The following UBE2E2 variants were observed in gnomAD, a reference collection of about 807,000 sequenced individuals.
UBE2E2 encodes the protein ubiquitin-conjugating enzyme E2 E2.
UBE2E2 carries 6 observed loss-of-function variants against 24.7 expected under a neutral mutation model. The ratio of observed to expected loss-of-function variants is 0.24; its 90% CI spans 0.13 to 0.48. UBE2E2 has a LOEUF of 0.48. UBE2E2 is among the 20% of genes least tolerant of loss of function. The pLI, the probability that UBE2E2 is intolerant of heterozygous loss-of-function variation, is 0.99. For synonymous variants in UBE2E2, 104 were observed against 83.6 expected (o/e 1.24, Z -1.33); for missense variants, 169 against 245.0 (o/e 0.69, Z 2.07).
chr3:23,301,277 C>G (rs1699079786), intron 3 of UBE2E2, among the ~76,000 whole-genome samples: 1 of 152,216 alleles, frequency 6.6e-6, no homozygotes, highest in South Asian at 2.1e-4. Context: ...GCCTTCTTCT[C>G]TCAACTAATC....
intron 3 of UBE2E2, among the ~76,000 whole-genome samples, chr3:23,301,865 A>T (rs1305388387): frequency 1.4e-5 from 2 of 140,970 alleles, no homozygotes; most frequent in East Asian, 3.8e-4. Flanking sequence ...TGGGAGCTGT[A>T]GACGGGAGCT....
At chr3:23,357,601 C>T (rs1405771108) in intron 3 of UBE2E2, among the ~76,000 whole-genome samples, 2 of 152,048 alleles carry the variant, frequency 1.3e-5, no homozygotes, top group East Asian at 3.9e-4. Flanking sequence ...GCATAGCCTT[C>T]CCATTAAATC....
intron 3 of UBE2E2, among the ~76,000 whole-genome samples, chr3:23,306,096 T>C (rs1031911258): frequency 2.0e-5 from 3 of 152,312 alleles, no homozygotes; most frequent in East Asian, 3.9e-4. Context: ...AAAAAGTGTT[T>C]AAGAAAACAT....
chr3:23,357,123 C>T (rs1477408016), intron 3 of UBE2E2, among the ~76,000 whole-genome samples: 3 of 152,296 alleles, frequency 2.0e-5, no homozygotes, highest in Non-Finnish European at 4.4e-5. Flanking sequence ...GTTGCATGGT[C>T]TTACTTCACT....
At chr3:23,577,049 ATTAT>A (rs1559427485) in intron 5 of UBE2E2, among the ~76,000 whole-genome samples, 1 of 151,704 alleles carries the variant, frequency 6.6e-6, no homozygotes, top group Non-Finnish European at 1.5e-5. Flanking sequence ...TTCAAACTTT[ATTAT>A]TATATCCTTT....
chr3:23,273,035 C>T (rs78850179), intron 3 of UBE2E2, among the ~76,000 whole-genome samples: 2,158 of 152,196 alleles, frequency 0.014, 41 homozygotes, highest in African/African-American at 0.049. Context: ...GCTTCCAATT[C>T]AGCTGTTTAT....
intron 5 of UBE2E2, among the ~76,000 whole-genome samples, chr3:23,552,545 G>A (rs185519614): frequency 6.6e-6 from 1 of 152,178 alleles, no homozygotes; most frequent in East Asian, 1.9e-4. Flanking sequence ...GAGAGGTTTT[G>A]GGTTTTAACA....
intron 3 of UBE2E2, among the ~76,000 whole-genome samples, chr3:23,355,791 A>G (rs527885612): frequency 6.6e-6 from 1 of 152,224 alleles, no homozygotes; most frequent in Non-Finnish European, 1.5e-5. Flanking sequence ...TATAACAGTT[A>G]TTAAAGGAGA....
intron 3 of UBE2E2, among the ~76,000 whole-genome samples, chr3:23,241,996 A>T (rs1243481525): frequency 6.6e-6 from 1 of 152,162 alleles, no homozygotes; most frequent in Non-Finnish European, 1.5e-5. Flanking sequence ...TGCAACCTGT[A>T]TCTTTTGTGC....
chr3:23,359,396 G>T (rs1239287476), intron 3 of UBE2E2, among the ~76,000 whole-genome samples: 4 of 152,196 alleles, frequency 2.6e-5, no homozygotes, highest in Middle Eastern at 3.2e-3. Flanking sequence ...CCTCAGGCCA[G>T]ATATGAATGG....
intron 3 of UBE2E2, among the ~76,000 whole-genome samples, chr3:23,249,180 A>G (rs776401457): frequency 5.9e-5 from 9 of 151,540 alleles, no homozygotes; most frequent in Non-Finnish European, 1.3e-4. Context: ...TTGAGGTAGG[A>G]GGATTGCTTT....
At chr3:23,223,343 C>T (rs1253182837) in intron 3 of UBE2E2, among the ~76,000 whole-genome samples, 1 of 151,960 alleles carries the variant, frequency 6.6e-6, no homozygotes, top group African/African-American at 2.4e-5. Context: ...GAGGCATGCA[C>T]CACCACACTT....
chr3:23,252,392 C>A (rs924131444), intron 3 of UBE2E2, among the ~76,000 whole-genome samples: 1 of 152,160 alleles, frequency 6.6e-6, no homozygotes, highest in African/African-American at 2.4e-5. Flanking sequence ...CACTATCATT[C>A]AGCTTGCTAC....
intron 2 of UBE2E2, among the ~76,000 whole-genome samples, chr3:23,216,899 A>G (rs1197654653): frequency 6.6e-6 from 1 of 152,150 alleles, no homozygotes; most frequent in Non-Finnish European, 1.5e-5. Context: ...ATTTAACTTA[A>G]TATCAGCTTT....
At chr3:23,353,556 A>G (rs1695831180) in intron 3 of UBE2E2, among the ~76,000 whole-genome samples, 1 of 152,200 alleles carries the variant, frequency 6.6e-6, no homozygotes, top group Non-Finnish European at 1.5e-5. Context: ...TACAAAATCA[A>G]TGTACAAAAA....
At chr3:23,581,335 G>C (rs1696473508) in intron 5 of UBE2E2, among the ~76,000 whole-genome samples, 1 of 152,092 alleles carries the variant, frequency 6.6e-6, no homozygotes. Context: ...CATTTATTAT[G>C]GTTAAAGCAT....
intron 3 of UBE2E2, among the ~76,000 whole-genome samples, chr3:23,498,526 A>G (rs1291248903): frequency 1.3e-5 from 2 of 152,326 alleles, no homozygotes; most frequent in African/African-American, 4.8e-5. Context: ...GACATTTGAT[A>G]TCAGGTCTCC....
chr3:23,532,683 CT>C lies in UBE2E2; in HGVS notation c.492del (p.Thr165GlnfsTer18). On this transcript the variant is annotated frameshift_variant, in exon 5 of 6. Transcript: ENST00000396703. LOFTEE classifies it high-confidence loss of function. The stretch of plus-strand genomic sequence containing the variant: ...AGTTCTCCTCTCCATCTGCTCACTT[CT>C]TACAGATTGCAACCCTGGTAAGAGA... Reference protein sequence around the residue: ...SKVLLSICSLLTDCNPADPLV... With the variant: ...SKVLLSICSLXTDCNPADPLV... The C allele has an allele frequency of 6.5e-7, 1 of 1,547,268 alleles. No homozygotes were observed. The highest frequency in any genetic ancestry group is 1.2e-5 in the South Asian group (1 of 80,078).
At chr3:23,219,751 TC>T (rs964789387) in intron 3 of UBE2E2, among the ~76,000 whole-genome samples, 1 of 152,198 alleles carries the variant, frequency 6.6e-6, no homozygotes, top group African/African-American at 2.4e-5. Flanking sequence ...GCCTTTTGGT[TC>T]CCTGGGTAGT....
Sources: allele counts gnomAD v4.1 joint callset (sites outside exome capture counted in the v4.1 genomes callset), GRCh38; gene constraint gnomAD v4.1.1; transcripts MANE v1.5; gene names NCBI Gene and HGNC (gene_info 2026-07-23, HGNC 2026-07-21).